ZBTB20: variants seen among roughly 807,000 people sequenced by gnomAD.
The protein encoded by ZBTB20 is zinc finger and BTB domain-containing protein 20.
ZBTB20 carries 9 observed loss-of-function variants against 56.9 expected under a neutral mutation model. The observed-to-expected ratio is 0.16, with a 90% CI of 0.10 to 0.28. The LOEUF (loss-of-function observed/expected upper bound fraction) is 0.28, where lower values mean the gene tolerates loss of function less well. Ranked by LOEUF, ZBTB20 falls within the 10% of genes least tolerant of loss-of-function variation. ZBTB20 has a pLI of 1.00. For synonymous variants in ZBTB20, 417 were observed against 420.7 expected (o/e 0.99, Z 0.11); for missense variants, 655 against 1,003.0 (o/e 0.65, Z 4.69).
chr3:114,615,798 C>T (rs147451825), intron 6 of ZBTB20, among the ~76,000 whole-genome samples: 95 of 152,234 alleles, frequency 6.2e-4, no homozygotes, highest in Non-Finnish European at 1.2e-3. Flanking sequence ...GCAGGAGTCC[C>T]CTGGAGGTGG....
chr3:114,715,738 T>C (rs1259730183), intron 5 of ZBTB20, among the ~76,000 whole-genome samples: 5 of 152,200 alleles, frequency 3.3e-5, no homozygotes, highest in African/African-American at 4.8e-5. Flanking sequence ...TAATAAATAC[T>C]GGACACTACC....
intron 6 of ZBTB20, among the ~76,000 whole-genome samples, chr3:114,582,522 G>A (rs927629468): frequency 6.6e-6 from 1 of 151,942 alleles, no homozygotes; most frequent in Non-Finnish European, 1.5e-5. Context: ...GTAGCTTACA[G>A]GCACGTGCCA....
intron 6 of ZBTB20, among the ~76,000 whole-genome samples, chr3:114,661,159 T>G (rs971642644): frequency 2.6e-5 from 4 of 152,122 alleles, no homozygotes; most frequent in African/African-American, 9.7e-5. Context: ...TCTCTGTAAT[T>G]CTTTGTCCCT....
chr3:114,551,444 C>T (rs1480196765), intron 6 of ZBTB20, among the ~76,000 whole-genome samples: 4 of 151,890 alleles, frequency 2.6e-5, no homozygotes, highest in East Asian at 1.9e-4. Flanking sequence ...TTATTGTGGG[C>T]GGGTGGTATA....
chr3:114,694,555 AT>A (rs201922118), intron 5 of ZBTB20, among the ~76,000 whole-genome samples: 1,951 of 151,980 alleles, frequency 0.013, 42 homozygotes, highest in African/African-American at 0.044. Flanking sequence ...ACCCTATAGA[AT>A]TTTTTTTATA....
intron 6 of ZBTB20, among the ~76,000 whole-genome samples, chr3:114,516,067 T>C (rs552598395): frequency 6.6e-6 from 1 of 152,090 alleles, no homozygotes; most frequent in South Asian, 2.1e-4. Context: ...CCAAAATCCA[T>C]TCTTCAACCT....
At chr3:114,645,085 T>C (rs971139255) in intron 6 of ZBTB20, among the ~76,000 whole-genome samples, 27 of 152,082 alleles carry the variant, frequency 1.8e-4, no homozygotes, top group African/African-American at 6.0e-4. Context: ...ACGATGTTCG[T>C]TGAACTATTA....
chr3:114,356,325 G>C (rs1337395239), intron 10 of ZBTB20: 1 of 152,168 alleles, frequency 6.6e-6, no homozygotes, highest in South Asian at 2.1e-4. Context: ...AAAGCTGCCT[G>C]CTCACAAGAG....
At chr3:114,497,416 C>A (rs1467460025) in intron 7 of ZBTB20, among the ~76,000 whole-genome samples, 1 of 152,192 alleles carries the variant, frequency 6.6e-6, no homozygotes, top group Non-Finnish European at 1.5e-5. Context: ...CTCTTTCAAC[C>A]ACCATGTTTC....
chr3:115,100,089 T>A (rs932157518), intron 1 of ZBTB20: 1 of 151,230 alleles, frequency 6.6e-6, no homozygotes, highest in Non-Finnish European at 1.5e-5. Flanking sequence ...CAGGAAAGAA[T>A]AAAGGCATTG....
chr3:114,896,169 C>G (rs2074869315), intron 4 of ZBTB20, among the ~76,000 whole-genome samples: 1 of 152,066 alleles, frequency 6.6e-6, no homozygotes, highest in Admixed American at 6.6e-5. Flanking sequence ...AGGCTTTATT[C>G]AATTTAAATG....
At chr3:114,447,531 C>T (rs187847509) in intron 7 of ZBTB20, among the ~76,000 whole-genome samples, 427 of 152,254 alleles carry the variant, frequency 2.8e-3, no homozygotes, top group Non-Finnish European at 4.4e-3. Flanking sequence ...TCCCTTCCCA[C>T]CCCACCCTAG....
chr3:115,118,703 A>T (rs975572314), intron 1 of ZBTB20, among the ~76,000 whole-genome samples: 8 of 82,208 alleles, frequency 9.7e-5, no homozygotes, highest in South Asian at 5.3e-4. Context: ...CCTGGTACAA[A>T]TTTTTTTTTT....
chr3:114,414,728 T>A (rs992884176), intron 7 of ZBTB20, among the ~76,000 whole-genome samples: 6 of 147,786 alleles, frequency 4.1e-5, no homozygotes, highest in East Asian at 3.9e-4. Context: ...ATAAAATATA[T>A]AAAATATAAT....
intron 1 of ZBTB20, among the ~76,000 whole-genome samples, chr3:115,128,147 CATTAGT>C (rs2084387031): frequency 6.6e-6 from 1 of 152,062 alleles, no homozygotes; most frequent in African/African-American, 2.4e-5. Flanking sequence ...ACTCGAGTAA[CATTAGT>C]ATTATTGAGA....
intron 2 of ZBTB20, among the ~76,000 whole-genome samples, chr3:115,008,702 A>G (rs2079573310): frequency 6.6e-6 from 1 of 151,938 alleles, no homozygotes; most frequent in African/African-American, 2.4e-5. Flanking sequence ...TGGTATTAGA[A>G]GTAACTTACT....
Position 114,339,248 on chromosome 3 carries a change from G to T in ZBTB20, c.1983C>A (p.Ser661=), listed in dbSNP as rs1421054424. The T allele has an allele frequency of 6.2e-7, 1 of 1,614,092 alleles. No individual in the cohort carries two copies. Among genetic ancestry groups the T allele is most frequent in the African/African-American group, 1.3e-5 (1 of 74,928 alleles). Residue 661 remains serine (S), a synonymous_variant, in exon 12 of 12, where the codon TCC becomes TCA. Transcript: ENST00000675478. The surrounding 1 kb of genome is among the most constrained non-coding windows in gnomAD (Gnocchi z 4.2). ...TCTTTTTGCAGATGTAGCACTCGTA[G>T]GACTTCTCTCCCCGGTGGAGGCGCA... ...VHMRLHRGEK[S]YECYICKKKF... is the part of the protein sequence containing the mutation.
chr3:115,116,212 A>G (rs973175511), intron 1 of ZBTB20, among the ~76,000 whole-genome samples: 4 of 152,064 alleles, frequency 2.6e-5, no homozygotes, highest in African/African-American at 9.7e-5. Context: ...CTCTCCCATC[A>G]GGATGTTCTG....
In ZBTB20 at chr3:114,994,644, T is replaced by C. The variant is rs567041911; in HGVS notation, c.-506-20228A>G. The stretch of plus-strand genomic sequence containing the variant: ...TCTTATATAGCCATCTTTAAGTTTA[T>C]TATTATTGGGATGTGTGTGCCTGTC... On this transcript the variant is annotated intron_variant, in intron 2 of 11. Transcript: ENST00000675478. Among the ~76,000 whole-genome samples the C allele has an allele frequency of 1.7e-3, 257 of 152,076 alleles. 3 individuals carry two copies. The highest frequency in any genetic ancestry group is 0.017 in the Admixed American group (253 of 15,222).
Sources: allele counts gnomAD v4.1 joint callset (sites outside exome capture counted in the v4.1 genomes callset), GRCh38; gene constraint gnomAD v4.1.1; non-coding constraint Gnocchi (gnomAD v3.1); transcripts MANE v1.5; gene names NCBI Gene and HGNC (gene_info 2026-07-23, HGNC 2026-07-21).